The following RAB28 variants were observed in gnomAD, a reference collection of about 807,000 sequenced individuals.
RAB28 encodes ras-related protein Rab-28.
In RAB28, 24 loss-of-function variants were observed where a neutral mutation model predicts 31.7. The ratio of observed to expected loss-of-function variants is 0.76; its 90% CI spans 0.55 to 1.06. The LOEUF (loss-of-function observed/expected upper bound fraction) is 1.06, where lower values mean the gene tolerates loss of function less well. Among genes scored for constraint, RAB28 ranks in the 50% least tolerant of loss-of-function variants. RAB28 has a pLI of 0.00. For missense variants in RAB28, 254 were observed against 258.5 expected (o/e 0.98, Z 0.12); for synonymous variants, 100 against 90.4 (o/e 1.11, Z -0.60).
At chr4:13,401,050 A>G (rs1349017871) in intron 4 of RAB28, among the ~76,000 whole-genome samples, 1 of 152,162 alleles carries the variant, frequency 6.6e-6, no homozygotes, top group African/African-American at 2.4e-5. Context: ...ATCTGATTTT[A>G]ATAGATTATT....
intron 6 of RAB28, 29 bp from the exon 7 acceptor site, chr4:13,368,679 C>T: frequency 6.4e-7 from 1 of 1,570,868 alleles, no homozygotes; most frequent in Admixed American, 1.7e-5. Flanking sequence ...GAGTTATTAT[C>T]AGGATATCAG....
intron 5 of RAB28, among the ~76,000 whole-genome samples, chr4:13,380,286 T>C (rs941139319): frequency 2.6e-5 from 4 of 152,050 alleles, no homozygotes; most frequent in African/African-American, 9.7e-5. Context: ...ATAAAGGATA[T>C]TACAGAGAAA....
chr4:13,368,855 T>G (rs1187109343), intron 6 of RAB28, among the ~76,000 whole-genome samples: 3 of 151,992 alleles, frequency 2.0e-5, no homozygotes, highest in African/African-American at 7.3e-5. Flanking sequence ...GCAACTCAGC[T>G]ACTGAGTTGT....
chr4:13,376,741 G>A (rs897478731), intron 5 of RAB28, 119 bp from the exon 6 acceptor site: 4 of 525,046 alleles, frequency 7.6e-6, no homozygotes, highest in African/African-American at 5.9e-5. Context: ...GATATAGCAG[G>A]TGATTCCAAA....
intron 4 of RAB28, among the ~76,000 whole-genome samples, chr4:13,458,852 T>C (rs949868161): frequency 1.3e-5 from 2 of 152,212 alleles, no homozygotes; most frequent in Admixed American, 6.5e-5. Flanking sequence ...CCATACCATA[T>C]AGGTTTGTGT....
At position 13,431,723 on chromosome 4, in the gene RAB28, C is replaced by T. The variant is rs146682675; in HGVS notation, c.391+28976G>A. Among the ~76,000 whole-genome samples the T allele has an allele frequency of 3.3e-5, 5 of 152,038 alleles. No individual in the cohort carries two copies. In the East Asian group the frequency reaches 9.7e-4, roughly 29 times the overall value. ...TTGGTCCCCTGAAAGCACCCAGAAA[C>T]GAAGCCAAACAATCATACACAATAT... On this transcript the variant is annotated intron_variant, in intron 4 of 6. Transcript: ENST00000330852.
rs2108913233 is a variant in RAB28, at chr4:13,414,906, T to TG, written c.392-33313_392-33312insC. 1.3e-5 allele frequency among the ~76,000 whole-genome samples: 2 copies of TG among 152,316 alleles called. 1 individual carries two copies. The highest frequency in any genetic ancestry group is 3.9e-4 in the East Asian group (2 of 5,186). ...TGAATAGGACAGGATGAAAACCAAC[T>TG]TCCTTAATTTGATAAAGAATACCAA... On this transcript the variant is annotated intron_variant, in intron 4 of 6. Coordinates refer to ENST00000330852, the MANE Select transcript of RAB28 (RefSeq NM_001017979.3).
intron 6 of RAB28, chr4:13,370,846 A>C: frequency 1.0e-6 from 1 of 959,682 alleles, no homozygotes; most frequent in Non-Finnish European, 1.2e-6. Flanking sequence ...GAGTTTTACT[A>C]AATAAGAAAC....
At chr4:13,454,608 A>T (rs1715191753) in intron 4 of RAB28, among the ~76,000 whole-genome samples, 2 of 152,166 alleles carry the variant, frequency 1.3e-5, no homozygotes, top group Non-Finnish European at 2.9e-5. Flanking sequence ...CACATTCATG[A>T]CATTTATGAG....
chr4:13,476,421 G>A (rs1227896788), intron 2 of RAB28, among the ~76,000 whole-genome samples: 7 of 151,344 alleles, frequency 4.6e-5, no homozygotes, highest in Admixed American at 2.0e-4. Context: ...AAATAGCTAT[G>A]AATTACTGAT....
At chr4:13,399,996 GTTGTGCCATTAACA>G (rs1175544947) in intron 4 of RAB28, among the ~76,000 whole-genome samples, 2 of 152,118 alleles carry the variant, frequency 1.3e-5, no homozygotes, top group Non-Finnish European at 2.9e-5. Flanking sequence ...ATTCTGTAAA[GTTGTGCCATTAACA>G]TTGTAGCCCT....
chr4:13,484,102 C>G lies in RAB28; in HGVS notation c.49G>C (p.Val17Leu). The G allele has an allele frequency of 1.9e-6, 3 of 1,602,352 alleles. No homozygotes were observed. Residue 17 changes from valine to leucine, a missense_variant, in exon 1 of 7, where the codon GTG (valine) becomes CTG (leucine). Transcript: ENST00000330852. ...ESQDRQLKIV[V>L]LGDGASGKTS... ...TTCCCGGAGGCGCCGTCCCCCAGCA[C>G]GACGATTTTCAGTTGCCGGTCCTGG...
intron 4 of RAB28, among the ~76,000 whole-genome samples, chr4:13,397,055 T>C (rs1399404983): frequency 6.6e-6 from 1 of 152,120 alleles, no homozygotes; most frequent in East Asian, 1.9e-4. Flanking sequence ...TGAAGAGAAA[T>C]ATTTTTAGGC....
At chr4:13,464,608 T>C (rs1164840785) in intron 3 of RAB28, among the ~76,000 whole-genome samples, 3 of 152,086 alleles carry the variant, frequency 2.0e-5, no homozygotes, top group Non-Finnish European at 4.4e-5. Flanking sequence ...TAAAGAGTTC[T>C]TGGAGACACC....
intron 4 of RAB28, among the ~76,000 whole-genome samples, chr4:13,431,858 A>C (rs375119849): frequency 6.6e-6 from 1 of 152,180 alleles, no homozygotes; most frequent in Non-Finnish European, 1.5e-5. Context: ...AGAAGGAATC[A>C]GCAGAAGAAT....
At chr4:13,407,613 C>G (rs115493362) in intron 4 of RAB28, among the ~76,000 whole-genome samples, 1 of 152,142 alleles carries the variant, frequency 6.6e-6, no homozygotes, top group Non-Finnish European at 1.5e-5. Flanking sequence ...TGGCCACTTT[C>G]GCGATATTGA....
chr4:13,401,125 A>C (rs990675140), intron 4 of RAB28, among the ~76,000 whole-genome samples: 5 of 152,200 alleles, frequency 3.3e-5, no homozygotes, highest in Non-Finnish European at 5.9e-5. Context: ...AAAAGTTTAT[A>C]TACAATTAGT....
intron 4 of RAB28, among the ~76,000 whole-genome samples, chr4:13,444,196 T>G: frequency 6.6e-6 from 1 of 151,664 alleles, no homozygotes; most frequent in Non-Finnish European, 1.5e-5. Context: ...CCCAGCTAAC[T>G]TTTTGTATTT....
At chr4:13,400,716 T>A (rs1711699121) in intron 4 of RAB28, among the ~76,000 whole-genome samples, 1 of 152,182 alleles carries the variant, frequency 6.6e-6, no homozygotes, top group Non-Finnish European at 1.5e-5. Context: ...ATGCCATTTA[T>A]GAAGTTGAAG....
Sources: gnomAD v4.1 joint callset for allele counts (sites outside exome capture counted in the v4.1 genomes callset) on GRCh38, gnomAD v4.1.1 for gene constraint, MANE v1.5 for transcripts, NCBI Gene and HGNC (gene_info 2026-07-23, HGNC 2026-07-21) for gene names.